Variants in MYO9B observed in about 807,000 individuals in gnomAD.
The protein encoded by MYO9B is unconventional myosin-IXb.
Under a neutral mutation model 229.5 loss-of-function variants are expected in MYO9B, and 71 were observed. That is an observed-to-expected ratio of 0.31 (90% CI 0.26 to 0.38). The LOEUF (loss-of-function observed/expected upper bound fraction) is 0.38. MYO9B is among the 10% of genes least tolerant of loss of function. The pLI, the probability that MYO9B is intolerant of heterozygous loss-of-function variation, is 1.00. For missense variants in MYO9B, 2,255 were observed against 2,920.5 expected, an observed-to-expected ratio of 0.77 and a Z score of 5.25; for synonymous variants, 1,185 against 1,235.8, an observed-to-expected ratio of 0.96 and a Z score of 0.86.
rs771580123 is a variant in MYO9B, at chr19:17,201,953, C to G, written c.4591C>G (p.Pro1531Ala). 1.2e-6 allele frequency: 2 copies of G among 1,612,822 alleles called. No individual in the cohort carries two copies. The highest frequency in any genetic ancestry group is 1.7e-6 in the Non-Finnish European group (2 of 1,179,568). The change falls in exon 27 of 40, where the codon CCC becomes GCC. Residue 1531 changes from proline to alanine, a missense_variant. Pro to Ala is a conservative substitution (Grantham distance 27, BLOSUM62 -1). This residue lies in a region of MYO9B where 416 missense variants were observed against 605.5 expected (regional missense o/e 0.69). Transcript: ENST00000682292. ...KINDLRSQKT[P>A]IESLFIEATE... ...AAATGACCTCCGTTCCCAGAAGACG[C>G]CCATTGAGAGCTTGTTTATCGAAGC...
intron 24 of MYO9B, among the ~76,000 whole-genome samples, chr19:17,199,807 G>A (rs2073087786): frequency 6.7e-6 from 1 of 149,836 alleles, no homozygotes. Flanking sequence ...GCCTGCCAAA[G>A]TGCTGAGATT....
rs115882292 is a variant in MYO9B at position 17,212,482 on chromosome 19, G to T, written c.*172G>T. On this transcript the variant is annotated 3_prime_UTR_variant, in exon 40 of 40. Coordinates refer to ENST00000682292, the MANE Select transcript of MYO9B (RefSeq NM_004145.4). The surrounding 1 kb of genome is among the most constrained non-coding windows in gnomAD (Gnocchi z 5.4). ...TGCAGAGTCAAGGCAGGGAGAGGCC[G>T]GCTGGAGCCAGGCCCCCTCGCACGC... 1.3e-6 allele frequency: 1 copy of T among 777,422 alleles called. No homozygotes were observed. The highest frequency in any genetic ancestry group is 1.8e-5 in the African/African-American group (1 of 54,998). The allele number at this position is 777,422 out of a possible 1,614,324, so 48.2% of individuals were successfully genotyped here.
intron 17 of MYO9B, among the ~76,000 whole-genome samples, chr19:17,185,584 C>T (rs1395638333): frequency 1.3e-5 from 2 of 151,496 alleles, no homozygotes; most frequent in Non-Finnish European, 2.9e-5. Context: ...AAAAACACTA[C>T]ATCCGTGGTC....
At chr19:17,210,240 C>T (rs2073210669) in intron 36 of MYO9B, 93 bp from the exon 37 acceptor site, 2 of 1,314,114 alleles carry the variant, frequency 1.5e-6, no homozygotes, top group South Asian at 1.6e-5. Flanking sequence ...ACCAGGGACC[C>T]CCTATCTTGG....
At chr19:17,116,028 C>CA (rs1222683262) in intron 2 of MYO9B, among the ~76,000 whole-genome samples, 2 of 62,238 alleles carry the variant, frequency 3.2e-5, no homozygotes, top group African/African-American at 1.7e-4. Context: ...TCTCTCTGCC[C>CA]CACAGCTGGG....
intron 2 of MYO9B, among the ~76,000 whole-genome samples, chr19:17,142,130 G>A (rs1357343434): frequency 6.7e-6 from 1 of 149,364 alleles, no homozygotes; most frequent in African/African-American, 2.5e-5. Context: ...AGTGAGCTAT[G>A]ATTACACCAC....
intron 2 of MYO9B, among the ~76,000 whole-genome samples, chr19:17,104,788 A>G (rs1481698635): frequency 6.6e-6 from 1 of 152,038 alleles, no homozygotes; most frequent in Non-Finnish European, 1.5e-5. Context: ...GTTTATAAAA[A>G]TACCGAGCAG....
chr19:17,206,023 G>A lies in MYO9B; in HGVS notation c.5128G>A (p.Ala1710Thr), dbSNP rs201301273. The A allele has an allele frequency of 1.4e-4, 230 of 1,607,520 alleles. No individual in the cohort carries two copies. The African/African-American group carries it at 2.7e-3, about 19-fold the overall frequency. Residue 1710 changes from alanine to threonine, a missense_variant, in exon 32 of 40, where the codon GCC becomes ACC. Transcript: ENST00000682292. ...VCVDSLTSDK[A>T]SVPIVLEKLL... ...CGTAGACAGCCTGACCAGCGACAAG[G>A]CCTCGGTGCCCATCGTGCTGGAGAA...
At chr19:17,178,296 A>G (rs2072813491) in intron 14 of MYO9B, 1 of 152,218 alleles carries the variant, frequency 6.6e-6, no homozygotes, top group African/African-American at 2.4e-5. Context: ...GCCGAGAGCT[A>G]AAACATGTGC....
chr19:17,149,132 A>G (rs2072449083), intron 3 of MYO9B, among the ~76,000 whole-genome samples: 2 of 151,178 alleles, frequency 1.3e-5, no homozygotes, highest in Admixed American at 6.6e-5. Context: ...ACACCCCCAC[A>G]CCTGGCTAAT....
chr19:17,086,006 C>T (rs1402163492), intron 1 of MYO9B, among the ~76,000 whole-genome samples: 1 of 152,204 alleles, frequency 6.6e-6, no homozygotes, highest in Non-Finnish European at 1.5e-5. Flanking sequence ...TGACCAGAAC[C>T]CACCTGTGTC....
At chr19:17,139,350 T>C (rs1035736332) in intron 2 of MYO9B, among the ~76,000 whole-genome samples, 4 of 150,298 alleles carry the variant, frequency 2.7e-5, no homozygotes, top group African/African-American at 9.8e-5. Context: ...TTGCAAGGCC[T>C]AGGCAGGAAA....
At chr19:17,109,119 G>A (rs377583445) in intron 2 of MYO9B, among the ~76,000 whole-genome samples, 21 of 151,262 alleles carry the variant, frequency 1.4e-4, no homozygotes, top group African/African-American at 5.1e-4. Context: ...GGGCTGGAGT[G>A]CAGTGGCGCG....
intron 2 of MYO9B, among the ~76,000 whole-genome samples, chr19:17,114,067 C>G (rs1378141520): frequency 1.3e-5 from 2 of 152,088 alleles, no homozygotes; most frequent in Non-Finnish European, 2.9e-5. Context: ...GCCCATAGCA[C>G]CCCCGCCCCT....
Position 17,101,959 on chromosome 19 carries a change from A to G in MYO9B, c.242A>G (p.Asn81Ser), listed in dbSNP as rs1183490558. ...GGCGAGGAATGGGTGCTGGACGCCA[A>G]CGACTCGCCTGTGCACCGGGTGCTG... ...SGGEEWVLDANDSPVHRVLLW... is the reference protein window; with the variant it reads ...SGGEEWVLDASDSPVHRVLLW... The change falls in exon 2 of 40, where the codon AAC becomes AGC. Residue 81 changes from asparagine to serine, a missense_variant. Transcript: ENST00000682292. The surrounding 1 kb of genome is among the most constrained non-coding windows in gnomAD (Gnocchi z 4.7). 3.1e-6 allele frequency: 5 copies of G among 1,613,406 alleles called. No individual in the cohort carries two copies. The highest frequency in any genetic ancestry group is 1.7e-5 in the Admixed American group (1 of 59,982).
chr19:17,112,907 G>T (rs374853880), intron 2 of MYO9B, among the ~76,000 whole-genome samples: 1 of 152,224 alleles, frequency 6.6e-6, no homozygotes, highest in African/African-American at 2.4e-5. Context: ...GAGAGGGGGC[G>T]TGTGGCTCCC....
chr19:17,137,903 C>CTTT (rs35807019), intron 2 of MYO9B, among the ~76,000 whole-genome samples: 306 of 143,916 alleles, frequency 2.1e-3, no homozygotes, highest in African/African-American at 6.7e-3. Context: ...CCATACCTGG[C>CTTT]TTTTTTTTTT....
intron 4 of MYO9B, among the ~76,000 whole-genome samples, chr19:17,153,524 A>G (rs528587744): frequency 2.0e-5 from 3 of 147,732 alleles, no homozygotes; most frequent in Admixed American, 2.0e-4. Context: ...CCATCTCTAC[A>G]AAAAAGACCA....
chr19:17,119,430 G>A (rs2057938620), intron 2 of MYO9B, among the ~76,000 whole-genome samples: 1 of 152,216 alleles, frequency 6.6e-6, no homozygotes, highest in African/African-American at 2.4e-5. Flanking sequence ...GAATGAGCGA[G>A]TGCTGAGATG....
Sources: allele counts gnomAD v4.1 joint callset (sites outside exome capture counted in the v4.1 genomes callset), GRCh38; gene constraint gnomAD v4.1.1; regional missense constraint gnomAD v4.1.1; non-coding constraint Gnocchi (gnomAD v3.1); transcripts MANE v1.5; gene names NCBI Gene and HGNC (gene_info 2026-07-23, HGNC 2026-07-21).